Variants in SHC4 observed in about 807,000 individuals in gnomAD.
The protein encoded by SHC4 is SHC-transforming protein 4.
Under a neutral mutation model 69.4 loss-of-function variants are expected in SHC4, and 41 were observed. The observed-to-expected ratio is 0.59, with a 90% CI of 0.46 to 0.77. The LOEUF (loss-of-function observed/expected upper bound fraction) is 0.77, where lower values mean the gene tolerates loss of function less well. Among genes scored for constraint, SHC4 ranks in the 30% least tolerant of loss-of-function variants. The pLI is 0.00. For synonymous variants in SHC4, 318 were observed against 299.3 expected (o/e 1.06, Z -0.64); for missense variants, 777 against 783.8 (o/e 0.99, Z 0.10).
At chr15:48,910,105 T>C (rs1595753762) in intron 2 of SHC4, among the ~76,000 whole-genome samples, 2 of 152,272 alleles carry the variant, frequency 1.3e-5, no homozygotes, top group South Asian at 4.1e-4. Context: ...TTTCTCTATA[T>C]TGTGTAATAA....
At chr15:48,923,215 T>C (rs1212797045) in intron 2 of SHC4, among the ~76,000 whole-genome samples, 1 of 152,196 alleles carries the variant, frequency 6.6e-6, no homozygotes, top group African/African-American at 2.4e-5. Flanking sequence ...TGTACATTTC[T>C]GTTATACGAG....
chr15:48,956,320 TAA>T (rs1901453264), intron 1 of SHC4, among the ~76,000 whole-genome samples: 1 of 152,180 alleles, frequency 6.6e-6, no homozygotes, highest in African/African-American at 2.4e-5. Flanking sequence ...CTTCATTGTG[TAA>T]ACCATGGGAC....
intron 10 of SHC4, among the ~76,000 whole-genome samples, chr15:48,838,945 T>C (rs917258088): frequency 7.2e-5 from 11 of 151,776 alleles, no homozygotes; most frequent in African/African-American, 2.2e-4. Flanking sequence ...ATATAATAGA[T>C]GTTGGATAAA....
At chr15:48,863,257 C>G (rs1352406923) in intron 6 of SHC4, among the ~76,000 whole-genome samples, 1 of 151,808 alleles carries the variant, frequency 6.6e-6, no homozygotes, top group Non-Finnish European at 1.5e-5. Context: ...TCTCAATAAC[C>G]ACTAGGAACA....
intron 9 of SHC4, among the ~76,000 whole-genome samples, chr15:48,846,938 T>C (rs1567051411): frequency 1.3e-5 from 2 of 151,690 alleles, no homozygotes. Flanking sequence ...TCGGTGTTTA[T>C]ATCTAGCCTC....
At chr15:48,890,354 A>C (rs1318499466) in intron 3 of SHC4, among the ~76,000 whole-genome samples, 1 of 152,226 alleles carries the variant, frequency 6.6e-6, no homozygotes, top group East Asian at 1.9e-4. Flanking sequence ...TATAATGCAG[A>C]ATACATACAT....
At chr15:48,897,389 A>G (rs182291500) in intron 2 of SHC4, among the ~76,000 whole-genome samples, 7 of 152,228 alleles carry the variant, frequency 4.6e-5, no homozygotes, top group Admixed American at 4.6e-4. Context: ...CAGAGTCCAA[A>G]CTAATCATCC....
intron 9 of SHC4, 119 bp downstream of exon 9, chr15:48,851,069 T>C: frequency 2.3e-6 from 2 of 859,798 alleles, no homozygotes; most frequent in Non-Finnish European, 3.7e-6. Flanking sequence ...CAAAGGATTA[T>C]GTGTTTAGTG....
In SHC4 at chr15:48,962,667, G is replaced by A; in HGVS notation, c.349C>T (p.Leu117=). Residue 117 remains leucine (L), a synonymous_variant, in exon 1 of 12, where the codon CTG becomes TTG. Transcript: ENST00000332408. ...GGGTCCCGGCTTTCCTGGAGCTTCA[G>A]CCGAGGCACCTCTTTGGTACCCAGG... ...FCLGTKEVPR[L]KLQESRDPGS... The A allele has an allele frequency of 6.2e-7, 1 of 1,614,202 alleles. No homozygotes were observed. The highest frequency in any genetic ancestry group is 8.5e-7 in the Non-Finnish European group (1 of 1,180,040).
intron 7 of SHC4, 45 bp downstream of exon 7, chr15:48,857,647 C>T: frequency 6.8e-7 from 1 of 1,460,922 alleles, no homozygotes. Flanking sequence ...GATAAATGCA[C>T]ACATATATAT....
Position 48,880,192 on chromosome 15 carries a change from T to A in SHC4, c.840+4056A>T, listed in dbSNP as rs150844344. The A allele has an allele frequency of 6.1e-3, 1,018 of 167,066 alleles. 3 individuals are homozygous for A. The highest frequency in any genetic ancestry group is 0.027 in the Middle Eastern group (8 of 296). 10.3% of individuals were successfully genotyped at this position (167,066 alleles called of 1,614,324 possible). A position where few individuals can be genotyped will look rare whatever the true frequency, so the allele number is the denominator to read the frequency against. On this transcript the variant is annotated intron_variant, in intron 4 of 11. Coordinates refer to ENST00000332408, the MANE Select transcript of SHC4 (RefSeq NM_203349.4). ...AATGCAACAGGACAATTCAGAGCCTTATTTATTTTATGGTCATCCTGTCTT... is the reference window on the plus strand; with the variant it reads ...AATGCAACAGGACAATTCAGAGCCTAATTTATTTTATGGTCATCCTGTCTT...
intron 2 of SHC4, among the ~76,000 whole-genome samples, chr15:48,917,391 GT>G (rs1900645348): frequency 6.6e-6 from 1 of 152,108 alleles, no homozygotes; most frequent in East Asian, 1.9e-4. Flanking sequence ...TTATAGGAAA[GT>G]TTAAGTAACA....
chr15:48,958,321 G>A (rs1350119715), intron 1 of SHC4, among the ~76,000 whole-genome samples: 2 of 152,206 alleles, frequency 1.3e-5, no homozygotes, highest in South Asian at 2.1e-4. Context: ...TTGGAGGCAA[G>A]TGAGAGGTTG....
chr15:48,936,919 G>C (rs1901081815), intron 1 of SHC4, among the ~76,000 whole-genome samples: 2 of 152,160 alleles, frequency 1.3e-5, no homozygotes, highest in Non-Finnish European at 2.9e-5. Flanking sequence ...ACTAAGAGAG[G>C]TTTCATCTCT....
chr15:48,908,355 G>C (rs1595753103), intron 2 of SHC4, among the ~76,000 whole-genome samples: 1 of 151,990 alleles, frequency 6.6e-6, no homozygotes, highest in Non-Finnish European at 1.5e-5. Context: ...TTCTTTTGAG[G>C]AGTGTCTATT....
chr15:48,841,593 T>C (rs921094924), intron 10 of SHC4, among the ~76,000 whole-genome samples: 1 of 152,184 alleles, frequency 6.6e-6, no homozygotes, highest in African/African-American at 2.4e-5. Context: ...GCTCAGCCAT[T>C]TGGGCCCAAT....
intron 4 of SHC4, chr15:48,876,451 A>G: frequency 3.3e-6 from 1 of 303,280 alleles, no homozygotes; most frequent in Admixed American, 6.4e-5. Flanking sequence ...ACATATATAT[A>G]TACACACACA....
chr15:48,912,416 G>C (rs1396112766), intron 2 of SHC4, among the ~76,000 whole-genome samples: 1 of 152,134 alleles, frequency 6.6e-6, no homozygotes, highest in Non-Finnish European at 1.5e-5. Context: ...CTAAAAGTGT[G>C]TCCACAGTTT....
At chr15:48,939,484 G>C (rs1374469071) in intron 1 of SHC4, among the ~76,000 whole-genome samples, 1 of 152,160 alleles carries the variant, frequency 6.6e-6, no homozygotes, top group Non-Finnish European at 1.5e-5. Context: ...TATCAGCAGG[G>C]GCTACATTTC....
Sources: allele counts gnomAD v4.1 joint callset (sites outside exome capture counted in the v4.1 genomes callset), GRCh38; gene constraint gnomAD v4.1.1; transcripts MANE v1.5; gene names NCBI Gene and HGNC (gene_info 2026-07-23, HGNC 2026-07-21).